Variants in SYT16 observed in about 807,000 individuals in gnomAD.
SYT16 encodes the protein synaptotagmin 16, also known as synaptotagmin-16.
A neutral mutation model predicts 61.4 loss-of-function variants in SYT16; 42 were observed. That is an observed-to-expected ratio of 0.68 (90% CI 0.53 to 0.89). The LOEUF is 0.89. SYT16 is among the 40% of genes least tolerant of loss of function. The pLI, the probability that SYT16 is intolerant of heterozygous loss-of-function variation, is 0.00. For missense variants in SYT16, 804 were observed against 807.3 expected (o/e 1.00, Z 0.05); for synonymous variants, 314 against 302.3 (o/e 1.04, Z -0.40).
intron 2 of SYT16, among the ~76,000 whole-genome samples, chr14:61,994,651 G>A (rs2052689408): frequency 6.6e-6 from 1 of 152,172 alleles, no homozygotes; most frequent in Non-Finnish European, 1.5e-5. Flanking sequence ...AAGACAAGGA[G>A]GAGCCTGAAA....
intron 1 of SYT16, among the ~76,000 whole-genome samples, chr14:61,956,193 A>C (rs942299698): frequency 6.6e-6 from 1 of 151,924 alleles, no homozygotes; most frequent in Non-Finnish European, 1.5e-5. Flanking sequence ...ATGTATTTTT[A>C]ATATTAATCC....
chr14:61,867,609 CAA>C (rs2047200264), intron 1 of SYT16, among the ~76,000 whole-genome samples: 1 of 151,920 alleles, frequency 6.6e-6, no homozygotes, highest in African/African-American at 2.4e-5. Context: ...TAACTTAAAA[CAA>C]TATTATTTAC....
Position 62,052,327 on chromosome 14 carries a change from C to A in SYT16, c.524-17276C>A, listed in dbSNP as rs1165319650. Among the ~76,000 whole-genome samples, 6 of 152,132 alleles carry A rather than the reference C, an allele frequency of 3.9e-5. No individual in the cohort carries two copies. In the East Asian group the frequency reaches 1.2e-3, roughly 29 times the overall value. On this transcript the variant is annotated intron_variant, in intron 3 of 7. Transcript: ENST00000683842. Reference sequence around the variant, plus strand: ...ATTCCAATTATGGCTTTTTCTTTGACCCATCAATTATTTAAAAATGTGGTT... The same window carrying A: ...ATTCCAATTATGGCTTTTTCTTTGAACCATCAATTATTTAAAAATGTGGTT...
chr14:61,940,420 A>T (rs1369775734), intron 1 of SYT16, among the ~76,000 whole-genome samples: 2 of 152,110 alleles, frequency 1.3e-5, no homozygotes, highest in African/African-American at 4.8e-5. Flanking sequence ...ACAACAAAAA[A>T]ATCCCCTAAA....
rs762910262 is a variant in SYT16, at chr14:62,075,179, T to C, written c.781T>C (p.Tyr261His). The C allele has an allele frequency of 5.6e-6, 9 of 1,612,738 alleles. No individual in the cohort carries two copies. The highest frequency in any genetic ancestry group is 7.6e-6 in the Non-Finnish European group (9 of 1,179,338). The change falls in exon 5 of 8, where the codon TAC (tyrosine) becomes CAC (histidine). Residue 261 changes from tyrosine (Y) to histidine (H), a missense_variant. Physicochemically the swap from Tyr to His is moderately conservative, Grantham distance 83. Transcript: ENST00000683842. Reference protein sequence around the residue: ...SQRRYSENLSYGEDDHIPAHS... With the variant: ...SQRRYSENLSHGEDDHIPAHS... Reference sequence around the variant, plus strand: ...ACGGCGTTATTCTGAGAATCTCTCCTACGGTGAAGATGACCACATCCCTGC... The same window carrying C: ...ACGGCGTTATTCTGAGAATCTCTCCCACGGTGAAGATGACCACATCCCTGC...
chr14:62,030,330 GTGTTT>G (rs2054266078), intron 3 of SYT16, among the ~76,000 whole-genome samples: 1 of 152,140 alleles, frequency 6.6e-6, no homozygotes, highest in African/African-American at 2.4e-5. Context: ...AGTTTTGAAA[GTGTTT>G]TAAACAGAAC....
At chr14:62,087,102 C>G (rs992293758) in intron 7 of SYT16, among the ~76,000 whole-genome samples, 3 of 152,222 alleles carry the variant, frequency 2.0e-5, no homozygotes, top group African/African-American at 7.2e-5. Flanking sequence ...ATGGCACTCA[C>G]ACTACTTTGA....
At chr14:61,990,043 G>T (rs894606069) in intron 2 of SYT16, among the ~76,000 whole-genome samples, 3 of 152,092 alleles carry the variant, frequency 2.0e-5, no homozygotes, top group African/African-American at 4.8e-5. Flanking sequence ...TGCTGTAGAA[G>T]ATATTTCATT....
chr14:61,979,302 T>G (rs970252001), intron 2 of SYT16, among the ~76,000 whole-genome samples: 32 of 152,316 alleles, frequency 2.1e-4, no homozygotes, highest in African/African-American at 7.0e-4. Flanking sequence ...TTCCTCATAC[T>G]TCATATTTAG....
chr14:61,823,226 C>T (rs1323035155), intron 1 of SYT16, among the ~76,000 whole-genome samples: 4 of 152,178 alleles, frequency 2.6e-5, no homozygotes, highest in South Asian at 2.1e-4. Flanking sequence ...CTCCTGACTT[C>T]GTGATCCTTC....
At position 61,996,250 on chromosome 14, in the gene SYT16, T is replaced by C; in HGVS notation, c.231T>C (p.Ser77=). 1 of 1,613,470 alleles carries C rather than the reference T, an allele frequency of 6.2e-7. No individual in the cohort carries two copies. The highest frequency in any genetic ancestry group is 8.5e-7 in the Non-Finnish European group (1 of 1,179,636). Residue 77 remains serine, a synonymous_variant, in exon 3 of 8, where the codon AGT becomes AGC. Transcript: ENST00000683842. ...FEDEEQDNDW[S]QEDANSLFLE... ...ATGAAGAACAAGACAATGATTGGAG[T>C]CAAGAGGATGCAAATTCCTTGTTTC...
chr14:61,934,219 A>T (rs551618180), intron 1 of SYT16, among the ~76,000 whole-genome samples: 14 of 152,134 alleles, frequency 9.2e-5, no homozygotes, highest in African/African-American at 3.1e-4. Flanking sequence ...CCTTTCTTTC[A>T]TTTTGACATT....
At chr14:62,081,446 T>G (rs1175375801) in intron 6 of SYT16, among the ~76,000 whole-genome samples, 172 bp downstream of exon 6, 1 of 152,226 alleles carries the variant, frequency 6.6e-6, no homozygotes, top group Non-Finnish European at 1.5e-5. Context: ...CAATGGGTCT[T>G]TCATGCCTGT....
intron 1 of SYT16, among the ~76,000 whole-genome samples, chr14:61,950,976 C>T (rs2050648136): frequency 6.6e-6 from 1 of 152,110 alleles, no homozygotes; most frequent in East Asian, 1.9e-4. Flanking sequence ...TAAAGGATGC[C>T]GATTTTATTT....
chr14:62,026,481 A>G (rs1300509814), intron 3 of SYT16, among the ~76,000 whole-genome samples: 1 of 152,214 alleles, frequency 6.6e-6, no homozygotes, highest in Non-Finnish European at 1.5e-5. Flanking sequence ...GAGTGAGCTC[A>G]CTATGTGAAG....
At chr14:61,861,696 T>C (rs1184740491) in intron 1 of SYT16, among the ~76,000 whole-genome samples, 1 of 152,184 alleles carries the variant, frequency 6.6e-6, no homozygotes, top group Non-Finnish European at 1.5e-5. Context: ...TGGGCCACCA[T>C]GCCCAGCCTG....
At position 62,101,959 on chromosome 14, in the gene SYT16, T is replaced by C. The variant is rs982630759; in HGVS notation, c.*1252T>C. On this transcript the variant is annotated 3_prime_UTR_variant, in exon 8 of 8. Coordinates refer to ENST00000683842, the MANE Select transcript of SYT16 (RefSeq NM_001367656.1). ...ATATTTATGCAGTGCATGTTTACTTTCCTTATTCATAGGTCTGGGCCCTTA... is the reference window on the plus strand; with the variant it reads ...ATATTTATGCAGTGCATGTTTACTTCCCTTATTCATAGGTCTGGGCCCTTA... 2.6e-5 allele frequency: 4 copies of C among 152,228 alleles called. No homozygotes were observed. Among genetic ancestry groups the C allele is most frequent in the African/African-American group, 9.6e-5 (4 of 41,460 alleles). The allele number at this position is 152,228 out of a possible 1,614,324, so 9.4% of individuals were successfully genotyped here.
chr14:62,079,461 G>A, intron 5 of SYT16: 1 of 651,484 alleles, frequency 1.5e-6, no homozygotes, highest in Non-Finnish European at 2.1e-6. Context: ...GAGGAAAATA[G>A]AACATGGAAA....
chr14:61,994,790 A>C (rs1421381986), intron 2 of SYT16, among the ~76,000 whole-genome samples: 1 of 152,206 alleles, frequency 6.6e-6, no homozygotes, highest in African/African-American at 2.4e-5. Flanking sequence ...GCCAGCATTT[A>C]ATAGATAATC....
Sources: gnomAD v4.1 joint callset for allele counts (sites outside exome capture counted in the v4.1 genomes callset) on GRCh38, gnomAD v4.1.1 for gene constraint, MANE v1.5 for transcripts, NCBI Gene and HGNC (gene_info 2026-07-23, HGNC 2026-07-21) for gene names.